The following JMJD6 variants were observed in gnomAD, a reference collection of about 807,000 sequenced individuals.
JMJD6 encodes the protein jumonji domain containing 6, arginine demethylase and lysine hydroxylase, also known as bifunctional arginine demethylase and lysyl-hydroxylase JMJD6.
JMJD6 carries 17 observed loss-of-function variants against 45.8 expected under a neutral mutation model. That is an observed-to-expected ratio of 0.37 (90% CI 0.25 to 0.56). The LOEUF (loss-of-function observed/expected upper bound fraction) is 0.56, where lower values mean the gene tolerates loss of function less well. Among genes scored for constraint, JMJD6 ranks in the 20% least tolerant of loss-of-function variants. JMJD6 has a pLI of 0.79. For synonymous variants in JMJD6, 221 were observed against 196.3 expected (o/e 1.13, Z -1.05); for missense variants, 470 against 517.5 (o/e 0.91, Z 0.89).
rs1444798158 is a variant in JMJD6 at position 76,725,507 on chromosome 17, G to A, written c.478C>T (p.Leu160Phe). 1 of 1,613,518 alleles carries A rather than the reference G, an allele frequency of 6.2e-7. No homozygotes were observed. Among genetic ancestry groups the A allele is most frequent in the African/African-American group, 1.3e-5 (1 of 74,774 alleles). The change falls in exon 2 of 6, where the codon CTT becomes TTT. Residue 160 changes from leucine (L) to phenylalanine (F), a missense_variant. Physicochemically the swap from Leu to Phe is conservative, Grantham distance 22. This residue lies in a region of JMJD6 where 346 missense variants were observed against 339.5 expected (regional missense o/e 1.02). Transcript: ENST00000397625. ...CGCTTCTCCCCAGCATACTGGAAAA[G>A]GTCATCAGTGAAAAACTTTGGCACC... ...YKVPKFFTDD[L>F]FQYAGEKRRP...
downstream of JMJD6, chr17:76,716,685 C>T (rs1238937153): frequency 6.2e-7 from 1 of 1,613,978 alleles, no homozygotes. Flanking sequence ...TCTTTATCTG[C>T]TCAGGGGTGA....
At chr17:76,723,107 G>C (rs1379572528) in intron 3 of JMJD6, among the ~76,000 whole-genome samples, 4 of 151,624 alleles carry the variant, frequency 2.6e-5, no homozygotes, top group Admixed American at 1.3e-4. Flanking sequence ...CACCACGCCT[G>C]ATTAATTTTT....
At position 76,725,873 on chromosome 17, in the gene JMJD6, G is replaced by T; in HGVS notation, c.130-18C>A. The T allele has an allele frequency of 6.5e-7, 1 of 1,530,760 alleles. No individual in the cohort carries two copies. The allele number at this position is 1,530,760 out of a possible 1,614,324, so 94.8% of individuals were successfully genotyped here. On this transcript the variant is annotated intron_variant, in intron 1 of 5. Transcript: ENST00000397625. ...ACGTTATCCTGAGGGAATTAAAAAA[G>T]ACCTGTCCAGTTAAAAAAAAAAAAA...
In JMJD6 at chr17:76,720,275, A is replaced by G. The variant is rs1388790280; in HGVS notation, c.1080+85T>C. 4.9e-6 allele frequency: 6 copies of G among 1,230,500 alleles called. No homozygotes were observed. The African/African-American group carries it at 8.9e-5, about 18-fold the overall frequency. 76.2% of individuals were successfully genotyped at this position (1,230,500 alleles called of 1,614,324 possible). On this transcript the variant is annotated intron_variant, in intron 5 of 5. Transcript: ENST00000397625. Reference sequence around the variant, plus strand: ...AAACTTTCATATCCTTCTCCTGGATAGGAGGAGGAAGAGTCACACCTGGTT... The same window carrying G: ...AAACTTTCATATCCTTCTCCTGGATGGGAGGAGGAAGAGTCACACCTGGTT...
Position 76,718,452 on chromosome 17 carries a change from A to G in JMJD6, c.*277T>C. The G allele has an allele frequency of 1.5e-6, 2 of 1,319,672 alleles. No homozygotes were observed. The highest frequency in any genetic ancestry group is 1.9e-6 in the Non-Finnish European group (2 of 1,039,032). The allele number at this position is 1,319,672 out of a possible 1,614,324, so 81.7% of individuals were successfully genotyped here. On this transcript the variant is annotated 3_prime_UTR_variant, in exon 6 of 6. Coordinates refer to ENST00000397625, the MANE Select transcript of JMJD6 (RefSeq NM_015167.3). ...TCTCAAAGGAAAACATTTCCAAGATAGAAAATGGATTCAATTTTTATTAAA... is the reference window on the plus strand; with the variant it reads ...TCTCAAAGGAAAACATTTCCAAGATGGAAAATGGATTCAATTTTTATTAAA...
At chr17:76,713,190 TG>T (rs1310100342) in exon 7 of JMJD6, 2 of 152,332 alleles carry the variant, frequency 1.3e-5, no homozygotes, top group Admixed American at 1.3e-4. Flanking sequence ...CTCTGCCTCC[TG>T]GGTTCAAGTG....
chr17:76,720,836 A>C (rs752591240), intron 4 of JMJD6, among the ~76,000 whole-genome samples: 1 of 152,204 alleles, frequency 6.6e-6, no homozygotes, highest in African/African-American at 2.4e-5. Flanking sequence ...TTCTCTTCCT[A>C]GTTTTACTTC....
chr17:76,722,845 C>CAAA (rs71158058), intron 3 of JMJD6, among the ~76,000 whole-genome samples: 465 of 42,688 alleles, frequency 0.011, 56 homozygotes, highest in African/African-American at 0.033. Context: ...GACTTGGTCT[C>CAAA]AAAAAAAAAA....
At chr17:76,725,406 CAAAA>C (rs36106744) in intron 2 of JMJD6, 57 bp downstream of exon 2, 1,345 of 954,726 alleles carry the variant, frequency 1.4e-3, no homozygotes, top group Admixed American at 1.6e-3. Context: ...CGCTCTGTCT[CAAAA>C]AAAAAAAAAA....
At chr17:76,719,647 C>T (rs1008590779) in intron 5 of JMJD6, among the ~76,000 whole-genome samples, 3 of 152,194 alleles carry the variant, frequency 2.0e-5, no homozygotes, top group African/African-American at 7.2e-5. Flanking sequence ...TTACTGTCAG[C>T]TTCAAGTTTA....
chr17:76,719,490 T>C (rs898079312), intron 5 of JMJD6, among the ~76,000 whole-genome samples: 2 of 152,154 alleles, frequency 1.3e-5, no homozygotes, highest in South Asian at 2.1e-4. Flanking sequence ...GATTTCATCA[T>C]GTTGGCCAGG....
At chr17:76,718,139 G>C (rs2076780584), downstream of JMJD6, among the ~76,000 whole-genome samples, 1 of 147,426 alleles carries the variant, frequency 6.8e-6, no homozygotes, top group African/African-American at 2.5e-5. Flanking sequence ...CTCCAGCATG[G>C]GCAAGAGCGA....
downstream of JMJD6, among the ~76,000 whole-genome samples, chr17:76,717,092 G>C (rs2076770679): frequency 6.6e-6 from 1 of 152,126 alleles, no homozygotes; most frequent in Non-Finnish European, 1.5e-5. Flanking sequence ...TGCGGGTCCT[G>C]CACTTCCCCC....
At position 76,726,555 on chromosome 17, in the gene JMJD6, G is replaced by A; in HGVS notation, c.-80C>T. 6.7e-7 allele frequency: 1 copy of A among 1,494,944 alleles called. No homozygotes were observed. The highest frequency in any genetic ancestry group is 8.9e-7 in the Non-Finnish European group (1 of 1,128,586). The allele number at this position is 1,494,944 out of a possible 1,614,324, so 92.6% of individuals were successfully genotyped here. On this transcript the variant is annotated 5_prime_UTR_variant, in exon 1 of 6. Transcript: ENST00000397625. ...CACTAACGCACCCCTCCCCGGCCTG[G>A]GCGGCGGCGACGGCAGTACCCAAAC...
Position 76,724,541 on chromosome 17 carries a change from G to A in JMJD6, c.519-483C>T, listed in dbSNP as rs866292437. On this transcript the variant is annotated intron_variant, in intron 2 of 5. Transcript: ENST00000397625. ...CTAACAAAATAAGAAAAATCAGCTG[G>A]GGCGGTAGCTCACGCCTGTAATCCC... 7.9e-5 allele frequency among the ~76,000 whole-genome samples: 12 copies of A among 152,230 alleles called. No homozygotes were observed. The Middle Eastern group carries it at 0.037, about 475-fold the overall frequency.
intron 4 of JMJD6, among the ~76,000 whole-genome samples, chr17:76,721,012 C>T (rs756090459): frequency 6.6e-6 from 1 of 152,160 alleles, no homozygotes; most frequent in African/African-American, 2.4e-5. Context: ...TCACTGGGAG[C>T]GTAAAACTGA....
chr17:76,716,602 T>C (rs1281003419), downstream of JMJD6: 19 of 1,229,378 alleles, frequency 1.5e-5, no homozygotes, highest in Non-Finnish European at 2.2e-5. Flanking sequence ...GAGGAGAAGG[T>C]AGGAGCAGAA....
At chr17:76,721,655 C>T (rs951367707) in intron 4 of JMJD6, 143 bp downstream of exon 4, 3 of 898,630 alleles carry the variant, frequency 3.3e-6, no homozygotes, top group Admixed American at 2.6e-5. Flanking sequence ...TGGCCCCTCT[C>T]TCCTCTACCC....
At chr17:76,721,334 C>T (rs1375310757) in intron 4 of JMJD6, 1 of 450,000 alleles carries the variant, frequency 2.2e-6, no homozygotes, top group Admixed American at 2.3e-5. Flanking sequence ...GCTTGCACTG[C>T]CGCTGCCCGT....
Sources: gnomAD v4.1 joint callset for allele counts (sites outside exome capture counted in the v4.1 genomes callset) on GRCh38, gnomAD v4.1.1 for gene constraint, gnomAD v4.1.1 regional missense constraint, MANE v1.5 for transcripts, NCBI Gene and HGNC (gene_info 2026-07-23, HGNC 2026-07-21) for gene names.